SLC16A7: variants seen among roughly 807,000 people sequenced by gnomAD.
The protein encoded by SLC16A7 is monocarboxylate transporter 2.
A neutral mutation model predicts 34.9 loss-of-function variants in SLC16A7; 33 were observed. The ratio of observed to expected loss-of-function variants is 0.94; its 90% CI spans 0.72 to 1.26. SLC16A7 has a LOEUF of 1.26. Ranked by LOEUF, SLC16A7 falls within the 50% of genes most tolerant of loss-of-function variation. SLC16A7 has a pLI of 0.00. For synonymous variants in SLC16A7, 201 were observed against 206.6 expected, an observed-to-expected ratio of 0.97 and a Z score of 0.23; for missense variants, 573 against 578.1, an observed-to-expected ratio of 0.99 and a Z score of 0.09.
At position 59,782,549 on chromosome 12, in the gene SLC16A7, T is replaced by C. The variant is rs1883319815; in HGVS notation, c.*2870T>C. 1 of 152,152 alleles carries C rather than the reference T, an allele frequency of 6.6e-6. No homozygotes were observed. Among genetic ancestry groups the C allele is most frequent in the African/African-American group, 2.4e-5 (1 of 41,432 alleles). The allele number at this position is 152,152 out of a possible 1,614,324, so 9.4% of individuals were successfully genotyped here. On this transcript the variant is annotated 3_prime_UTR_variant, in exon 6 of 6. Transcript: ENST00000547379. Reference sequence around the variant, plus strand: ...GGTATACCACTACAATCCCCACTAATCTCTATTCCCACATTATGAAATTGT... The same window carrying C: ...GGTATACCACTACAATCCCCACTAACCTCTATTCCCACATTATGAAATTGT...
At chr12:59,660,583 A>G (rs75012117) in intron 2 of SLC16A7, among the ~76,000 whole-genome samples, 2,668 of 151,872 alleles carry the variant, frequency 0.018, 76 homozygotes, top group African/African-American at 0.061. Flanking sequence ...GGATAGTGGC[A>G]TGTATCTGTA....
intron 2 of SLC16A7, among the ~76,000 whole-genome samples, chr12:59,677,656 C>A (rs958895723): frequency 6.6e-6 from 1 of 152,208 alleles, no homozygotes; most frequent in African/African-American, 2.4e-5. Context: ...GCAGTAGAAT[C>A]TAATAGTTTG....
intron 3 of SLC16A7, among the ~76,000 whole-genome samples, chr12:59,722,883 G>T (rs990668612): frequency 2.0e-5 from 3 of 151,794 alleles, no homozygotes; most frequent in Admixed American, 1.3e-4. Context: ...CTATAAATCT[G>T]ATTGTCTAAT....
intron 3 of SLC16A7, among the ~76,000 whole-genome samples, chr12:59,711,381 A>G (rs911693368): frequency 6.6e-6 from 1 of 152,230 alleles, no homozygotes; most frequent in Non-Finnish European, 1.5e-5. Context: ...GCATGTAGAT[A>G]CTTTATAGCT....
At position 59,609,771 on chromosome 12, in the gene SLC16A7, A is replaced by G. The variant is rs1169314200; in HGVS notation, c.-130+13535A>G. Among the ~76,000 whole-genome samples the G allele has an allele frequency of 2.6e-5, 4 of 152,198 alleles. No individual in the cohort carries two copies. The East Asian group carries it at 7.7e-4, about 29-fold the overall frequency. On this transcript the variant is annotated intron_variant, in intron 1 of 5. Coordinates refer to ENST00000547379, the MANE Select transcript of SLC16A7 (RefSeq NM_001270623.2). ...TGCTTGCTCAGTTATGCATTCAGAT[A>G]ACCGCTTGTGGTCTATAAAACCTAA...
intron 5 of SLC16A7, among the ~76,000 whole-genome samples, chr12:59,777,760 G>A (rs1456344665): frequency 1.3e-5 from 2 of 151,032 alleles, no homozygotes; most frequent in African/African-American, 4.9e-5. Context: ...CCATTAACTC[G>A]TCATTTAGCA....
At chr12:59,661,377 G>A (rs1363302014) in intron 2 of SLC16A7, among the ~76,000 whole-genome samples, 1 of 152,076 alleles carries the variant, frequency 6.6e-6, no homozygotes, top group East Asian at 1.9e-4. Context: ...TAGAGAAGAG[G>A]AGACATTTTT....
chr12:59,696,755 T>C (rs1872346438), intron 2 of SLC16A7, among the ~76,000 whole-genome samples: 1 of 151,950 alleles, frequency 6.6e-6, no homozygotes, highest in Non-Finnish European at 1.5e-5. Context: ...TTGGAATTGA[T>C]TGGTTCTGGG....
At chr12:59,649,568 C>A (rs1173761177) in intron 1 of SLC16A7, among the ~76,000 whole-genome samples, 8 of 152,098 alleles carry the variant, frequency 5.3e-5, no homozygotes, top group Non-Finnish European at 1.2e-4. Flanking sequence ...ATACAGGAGT[C>A]TTGTTGGTCA....
At chr12:59,710,467 G>C (rs1468706436) in intron 3 of SLC16A7, among the ~76,000 whole-genome samples, 2 of 152,148 alleles carry the variant, frequency 1.3e-5, no homozygotes, top group African/African-American at 4.8e-5. Context: ...CAACAGATTG[G>C]AAGTGTGCTT....
intron 2 of SLC16A7, among the ~76,000 whole-genome samples, chr12:59,692,821 C>G (rs1871832413): frequency 6.6e-6 from 1 of 151,820 alleles, no homozygotes; most frequent in Non-Finnish European, 1.5e-5. Context: ...GTAAATTAGT[C>G]AATAGGATTT....
chr12:59,714,504 C>G (rs1266489122), intron 3 of SLC16A7, among the ~76,000 whole-genome samples: 2 of 151,868 alleles, frequency 1.3e-5, no homozygotes, highest in Non-Finnish European at 2.9e-5. Flanking sequence ...CTAGTTGTGT[C>G]CTCACATGGT....
intron 1 of SLC16A7, among the ~76,000 whole-genome samples, chr12:59,615,640 A>G (rs1251828871): frequency 6.6e-6 from 1 of 152,176 alleles, no homozygotes; most frequent in Non-Finnish European, 1.5e-5. Flanking sequence ...ATACCAGCAA[A>G]GTTACCAGGC....
chr12:59,667,519 T>A (rs1487984334), intron 2 of SLC16A7, among the ~76,000 whole-genome samples: 1 of 152,224 alleles, frequency 6.6e-6, no homozygotes, highest in Non-Finnish European at 1.5e-5. Context: ...GCATTTTTCC[T>A]CTGCCTTAGA....
intron 1 of SLC16A7, among the ~76,000 whole-genome samples, chr12:59,620,602 C>T (rs970324468): frequency 2.6e-5 from 4 of 151,716 alleles, no homozygotes; most frequent in Non-Finnish European, 5.9e-5. Flanking sequence ...TTTTCATCCT[C>T]GAGACAGCAG....
At chr12:59,765,891 G>C (rs1881566189) in intron 3 of SLC16A7, among the ~76,000 whole-genome samples, 1 of 152,134 alleles carries the variant, frequency 6.6e-6, no homozygotes, top group South Asian at 2.1e-4. Flanking sequence ...TAGCTTGATG[G>C]GGATGGCATT....
intron 2 of SLC16A7, among the ~76,000 whole-genome samples, chr12:59,691,552 C>G (rs1027538623): frequency 6.6e-6 from 1 of 151,854 alleles, no homozygotes; most frequent in Non-Finnish European, 1.5e-5. Flanking sequence ...ATACTCATGT[C>G]TCTCTGGGCC....
rs149948563 is a variant in SLC16A7, at chr12:59,692,345, C to A, written c.-30-12427C>A. On this transcript the variant is annotated intron_variant, in intron 2 of 5. Coordinates refer to ENST00000547379, the MANE Select transcript of SLC16A7 (RefSeq NM_001270623.2). ...TCTTTTGCCATATAAGGTAATATTA[C>A]AAGTTCTGGGGATCCAGACATGGAC... Among the ~76,000 whole-genome samples, 210 of 152,122 alleles carry A rather than the reference C, an allele frequency of 1.4e-3. 1 individual carries two copies. Among genetic ancestry groups the A allele is most frequent in the Middle Eastern group, 6.8e-3 (2 of 294 alleles).
chr12:59,730,662 CA>C (rs1876842949), intron 3 of SLC16A7, among the ~76,000 whole-genome samples: 2 of 152,040 alleles, frequency 1.3e-5, no homozygotes, highest in South Asian at 4.1e-4. Flanking sequence ...ATGCAAAGTT[CA>C]TATATTTTTC....
Sources: gnomAD v4.1 joint callset for allele counts (sites outside exome capture counted in the v4.1 genomes callset) on GRCh38, gnomAD v4.1.1 for gene constraint, MANE v1.5 for transcripts, NCBI Gene and HGNC (gene_info 2026-07-23, HGNC 2026-07-21) for gene names.